The following PARD3B variants were observed in gnomAD, a reference collection of about 807,000 sequenced individuals.
PARD3B encodes par-3 family cell polarity regulator beta, also known as partitioning defective 3 homolog B.
A neutral mutation model predicts 130.2 loss-of-function variants in PARD3B; 103 were observed. The observed-to-expected ratio is 0.79, with a 90% CI of 0.67 to 0.93. PARD3B has a LOEUF of 0.93. Among genes scored for constraint, PARD3B ranks in the 40% least tolerant of loss-of-function variants. PARD3B has a pLI of 0.00. For synonymous variants in PARD3B, 583 were observed against 553.2 expected, an observed-to-expected ratio of 1.05 and a Z score of -0.76; for missense variants, 1,609 against 1,499.2, an observed-to-expected ratio of 1.07 and a Z score of -1.21.
At chr2:205,494,146 C>T (rs909768081) in intron 20 of PARD3B, among the ~76,000 whole-genome samples, 2 of 152,170 alleles carry the variant, frequency 1.3e-5, no homozygotes, top group East Asian at 3.9e-4. Context: ...CAAAGGCCAA[C>T]ACCTCTCCTT....
chr2:204,619,164 C>A (rs527396145), intron 1 of PARD3B, among the ~76,000 whole-genome samples: 1 of 152,230 alleles, frequency 6.6e-6, no homozygotes, highest in Non-Finnish European at 1.5e-5. Flanking sequence ...GGCTGTTCAG[C>A]AAGGTTGCAA....
intron 2 of PARD3B, among the ~76,000 whole-genome samples, chr2:204,843,762 C>A (rs1223749229): frequency 2.6e-5 from 4 of 152,104 alleles, no homozygotes; most frequent in Admixed American, 6.5e-5. Context: ...CTGTTTAGAT[C>A]TAAAGGTTCA....
At chr2:205,417,379 G>A (rs933244989) in intron 19 of PARD3B, among the ~76,000 whole-genome samples, 11 of 151,938 alleles carry the variant, frequency 7.2e-5, no homozygotes, top group East Asian at 5.8e-4. Flanking sequence ...GAATAGTGCC[G>A]CAATAAACAT....
intron 15 of PARD3B, among the ~76,000 whole-genome samples, chr2:205,199,972 TA>T (rs1331195840): frequency 5.7e-3 from 815 of 144,168 alleles, no homozygotes; most frequent in East Asian, 0.018. Context: ...TTTGTGAAAT[TA>T]AAAAAAAAAA....
At chr2:205,342,261 C>G (rs961845661) in intron 18 of PARD3B, among the ~76,000 whole-genome samples, 1 of 152,124 alleles carries the variant, frequency 6.6e-6, no homozygotes, top group African/African-American at 2.4e-5. Context: ...AGATTAATAT[C>G]CCGTCTCTAC....
intron 1 of PARD3B, among the ~76,000 whole-genome samples, chr2:204,642,763 G>A (rs2035122015): frequency 6.6e-6 from 1 of 151,916 alleles, no homozygotes; most frequent in Admixed American, 6.6e-5. Context: ...GAATCATGGA[G>A]CAGACTTCCC....
chr2:205,005,625 C>A (rs1028628693), intron 3 of PARD3B, among the ~76,000 whole-genome samples: 6 of 151,810 alleles, frequency 4.0e-5, no homozygotes, highest in African/African-American at 1.5e-4. Flanking sequence ...TTAAGAGATG[C>A]AAGGCAAACA....
At chr2:204,646,402 G>T (rs763263010) in intron 1 of PARD3B, among the ~76,000 whole-genome samples, 8 of 151,970 alleles carry the variant, frequency 5.3e-5, no homozygotes, top group Non-Finnish European at 7.4e-5. Context: ...ATACAGTGTT[G>T]TGTCTGAATG....
chr2:204,756,906 T>G (rs1008415209), intron 2 of PARD3B, among the ~76,000 whole-genome samples: 1 of 152,118 alleles, frequency 6.6e-6, no homozygotes. Context: ...TCAACCCTTT[T>G]CCTCCTTTCT....
Position 205,280,592 on chromosome 2 carries a change from TA to T in PARD3B, c.2186-19936del, listed in dbSNP as rs2105834723. ...CAAATTCCGATGTCAGTTTTGTAAA[TA>T]AGTATCTGTTGTCTCCCCAGATCAA... On this transcript the variant is annotated intron_variant, in intron 16 of 22. Transcript: ENST00000406610. This position sits in a 1 kb window ranked among gnomAD's most constrained non-coding sequence, Gnocchi z 4.7. Among the ~76,000 whole-genome samples, 1 of 152,342 alleles carries T rather than the reference TA, an allele frequency of 6.6e-6. No individual in the cohort carries two copies. Among genetic ancestry groups the T allele is most frequent in the South Asian group, 2.1e-4 (1 of 4,830 alleles).
intron 15 of PARD3B, among the ~76,000 whole-genome samples, chr2:205,245,141 TG>T (rs898051102): frequency 2.6e-5 from 4 of 152,170 alleles, no homozygotes; most frequent in African/African-American, 9.7e-5. Flanking sequence ...CTGTTCTGCT[TG>T]GGTGTTGGCT....
At chr2:204,834,300 C>T (rs958112296) in intron 2 of PARD3B, among the ~76,000 whole-genome samples, 2 of 152,080 alleles carry the variant, frequency 1.3e-5, no homozygotes, top group South Asian at 4.1e-4. Context: ...GTGCCCAGCA[C>T]AGAATACAGA....
intron 22 of PARD3B, among the ~76,000 whole-genome samples, chr2:205,606,781 A>G (rs1173420240): frequency 6.6e-6 from 1 of 152,178 alleles, no homozygotes; most frequent in Non-Finnish European, 1.5e-5. Context: ...TCAGATGCTC[A>G]GGATAACTGA....
rs531765901 is a variant in PARD3B at position 205,213,096 on chromosome 2, A to G, written c.2140+19776A>G. Among the ~76,000 whole-genome samples, 26 of 152,252 alleles carry G rather than the reference A, an allele frequency of 1.7e-4. No homozygotes were observed. The East Asian group carries it at 4.5e-3, about 26-fold the overall frequency. On this transcript the variant is annotated intron_variant, in intron 15 of 22. Transcript: ENST00000406610. Reference sequence around the variant, plus strand: ...TCAGACCATTATGGCTGTTTCAAATAAGGCTTGTCAGTTTCCCAGTCTTAA... The same window carrying G: ...TCAGACCATTATGGCTGTTTCAAATGAGGCTTGTCAGTTTCCCAGTCTTAA...
chr2:205,472,538 G>T (rs971371557), intron 20 of PARD3B, among the ~76,000 whole-genome samples: 1 of 152,022 alleles, frequency 6.6e-6, no homozygotes, highest in African/African-American at 2.4e-5. Context: ...TATCATTAAA[G>T]AGGGGCTGAA....
At chr2:204,976,895 C>T (rs1347047092) in intron 3 of PARD3B, among the ~76,000 whole-genome samples, 1 of 152,070 alleles carries the variant, frequency 6.6e-6, no homozygotes, top group Non-Finnish European at 1.5e-5. Context: ...CAGGGGTGAG[C>T]CAGTCCCACC....
intron 22 of PARD3B, among the ~76,000 whole-genome samples, chr2:205,605,343 C>CA (rs1426376622): frequency 1.3e-5 from 2 of 152,154 alleles, no homozygotes; most frequent in Admixed American, 1.3e-4. Flanking sequence ...TTCTCATCTT[C>CA]ATGAGTTTAT....
At chr2:205,204,388 A>G (rs1055193578) in intron 15 of PARD3B, among the ~76,000 whole-genome samples, 4 of 152,112 alleles carry the variant, frequency 2.6e-5, no homozygotes, top group African/African-American at 9.7e-5. Context: ...ATTTGTTCCC[A>G]TTCTGTAGGT....
intron 12 of PARD3B, among the ~76,000 whole-genome samples, chr2:205,172,887 C>A (rs1027688752): frequency 1.3e-5 from 2 of 151,964 alleles, no homozygotes; most frequent in South Asian, 2.1e-4. Context: ...TTTTTGAAAT[C>A]TTTTATTATT....
Sources: allele counts gnomAD v4.1 joint callset (sites outside exome capture counted in the v4.1 genomes callset), GRCh38; gene constraint gnomAD v4.1.1; non-coding constraint Gnocchi (gnomAD v3.1); transcripts MANE v1.5; gene names NCBI Gene and HGNC (gene_info 2026-07-23, HGNC 2026-07-21).